The following PTPRM variants were observed in gnomAD, a reference collection of about 807,000 sequenced individuals.
PTPRM encodes the protein protein tyrosine phosphatase receptor type M.
A neutral mutation model predicts 186.7 loss-of-function variants in PTPRM; 47 were observed. The observed-to-expected ratio is 0.25, with a 90% confidence interval of 0.20 to 0.32. The LOEUF (loss-of-function observed/expected upper bound fraction) is 0.32, where lower values mean the gene tolerates loss of function less well. Among genes scored for constraint, PTPRM ranks in the 10% least tolerant of loss-of-function variants. The pLI is 1.00. For synonymous variants in PTPRM, 668 were observed against 674.9 expected (o/e 0.99, Z 0.16); for missense variants, 1,494 against 1,865.0 (o/e 0.80, Z 3.66).
chr18:7,684,294 TA>T (rs67213632), intron 1 of PTPRM, among the ~76,000 whole-genome samples: 51,144 of 150,530 alleles, frequency 0.34, 12,896 homozygotes, highest in African/African-American at 0.69. Flanking sequence ...AGACCTCATT[TA>T]AAAAAAAATA....
chr18:7,994,325 G>A (rs1379188103), intron 7 of PTPRM, among the ~76,000 whole-genome samples: 1 of 150,604 alleles, frequency 6.6e-6, no homozygotes, highest in African/African-American at 2.4e-5. Flanking sequence ...GATATATAAA[G>A]CAAATATCAT....
intron 29 of PTPRM, among the ~76,000 whole-genome samples, chr18:8,384,335 G>A (rs1369683665): frequency 1.3e-5 from 2 of 152,104 alleles, no homozygotes. Context: ...GCACACACCT[G>A]TGGCCCCAGC....
chr18:8,188,292 G>A (rs1223365332), intron 14 of PTPRM, among the ~76,000 whole-genome samples: 1 of 152,240 alleles, frequency 6.6e-6, no homozygotes, highest in Admixed American at 6.5e-5. Flanking sequence ...GACAAAGGAT[G>A]TACACAGCTG....
rs369983856 is a variant in PTPRM at position 7,862,345 on chromosome 18, C to A, written c.197-25761C>A. ...ATATCTTCTCATTTTTTAGTGATGA[C>A]AACGTCACAAATACTGCTAATAAAA... On this transcript the variant is annotated intron_variant, in intron 2 of 32. Coordinates refer to ENST00000580170, the MANE Select transcript of PTPRM (RefSeq NM_001105244.2). 5.0e-3 allele frequency among the ~76,000 whole-genome samples: 758 copies of A among 152,164 alleles called. 6 individuals carry two copies. Among genetic ancestry groups the A allele is most frequent in the African/African-American group, 0.017 (717 of 41,532 alleles).
At chr18:8,310,842 CAAA>C (rs1321923970) in intron 20 of PTPRM, among the ~76,000 whole-genome samples, 1 of 152,080 alleles carries the variant, frequency 6.6e-6, no homozygotes, top group Non-Finnish European at 1.5e-5. Context: ...AGCAGATACT[CAAA>C]AAGTCACTGA....
chr18:8,064,402 G>A (rs527303786), intron 7 of PTPRM, among the ~76,000 whole-genome samples: 1 of 150,902 alleles, frequency 6.6e-6, no homozygotes, highest in Admixed American at 6.6e-5. Flanking sequence ...TCTCTTAAAC[G>A]AGTACTGTTT....
chr18:8,087,893 C>T (rs1254044088), intron 10 of PTPRM, among the ~76,000 whole-genome samples: 1 of 152,090 alleles, frequency 6.6e-6, no homozygotes, highest in Non-Finnish European at 1.5e-5. Context: ...CACATCACAG[C>T]TCCGTGTAAT....
chr18:8,172,684 AATGTAAACAC>A (rs1160531161), intron 14 of PTPRM, among the ~76,000 whole-genome samples: 75 of 144,744 alleles, frequency 5.2e-4, no homozygotes, highest in Non-Finnish European at 7.4e-4. Context: ...ATAGAATGTT[AATGTAAACAC>A]AAGAAAAAAA....
At chr18:8,101,636 AT>A (rs1191451968) in intron 11 of PTPRM, among the ~76,000 whole-genome samples, 1 of 152,232 alleles carries the variant, frequency 6.6e-6, no homozygotes, top group African/African-American at 2.4e-5. Context: ...AGATGCCAGC[AT>A]TTCCCCATTA....
chr18:8,145,429 C>T (rs1437030451), intron 14 of PTPRM, among the ~76,000 whole-genome samples: 1 of 152,116 alleles, frequency 6.6e-6, no homozygotes, highest in African/African-American at 2.4e-5. Flanking sequence ...CCCATCATCC[C>T]ATCACCTATA....
At chr18:8,341,682 GC>G (rs56361813) in intron 22 of PTPRM, among the ~76,000 whole-genome samples, 23,439 of 149,506 alleles carry the variant, frequency 0.16, 2,748 homozygotes, top group African/African-American at 0.33. Context: ...ACCTAGTGAA[GC>G]CCCCCCCCCT....
In PTPRM at chr18:7,642,120, C is replaced by T. The variant is rs139328183; in HGVS notation, c.73+74229C>T. Among the ~76,000 whole-genome samples the T allele has an allele frequency of 1.0e-3, 153 of 152,226 alleles. 4 individuals carry two copies. The East Asian group carries it at 0.023, about 23-fold the overall frequency. On this transcript the variant is annotated intron_variant, in intron 1 of 32. Transcript: ENST00000580170. Reference sequence around the variant, plus strand: ...GTAACAATACTAGGTTATTGACTCACGGTTCTGTGAAGGAAAGAAAATTGA... The same window carrying T: ...GTAACAATACTAGGTTATTGACTCATGGTTCTGTGAAGGAAAGAAAATTGA...
At chr18:8,057,081 ATAG>A (rs1408636003) in intron 7 of PTPRM, among the ~76,000 whole-genome samples, 1 of 151,222 alleles carries the variant, frequency 6.6e-6, no homozygotes, top group Non-Finnish European at 1.5e-5. Flanking sequence ...GTTGCAAAAA[ATAG>A]TAGCATTTTT....
intron 21 of PTPRM, among the ~76,000 whole-genome samples, chr18:8,316,633 A>G (rs1014178014): frequency 5.3e-5 from 8 of 152,198 alleles, no homozygotes; most frequent in Non-Finnish European, 1.2e-4. Context: ...ACCAAAACCA[A>G]AAAAACCTCT....
intron 1 of PTPRM, among the ~76,000 whole-genome samples, chr18:7,720,688 T>G (rs1458237558): frequency 6.6e-6 from 1 of 152,154 alleles, no homozygotes; most frequent in Non-Finnish European, 1.5e-5. Context: ...TGCCTCTCAT[T>G]TTGACTACTC....
intron 2 of PTPRM, among the ~76,000 whole-genome samples, chr18:7,855,728 G>A (rs2047064352): frequency 1.3e-5 from 2 of 152,128 alleles, no homozygotes; most frequent in African/African-American, 4.8e-5. Flanking sequence ...TTATTATTTG[G>A]CAATGGAAAA....
intron 14 of PTPRM, among the ~76,000 whole-genome samples, chr18:8,164,907 C>CTG (rs3046324): frequency 0.94 from 143,100 of 152,118 alleles, 67,905 homozygotes; most frequent in East Asian, 1. Flanking sequence ...TGGCACATGC[C>CTG]TAATCCCAGC....
At chr18:7,649,928 G>A (rs966763872) in intron 1 of PTPRM, among the ~76,000 whole-genome samples, 1 of 151,332 alleles carries the variant, frequency 6.6e-6, no homozygotes, top group African/African-American at 2.4e-5. Flanking sequence ...TTTAAATTAA[G>A]GTATGTACAT....
At chr18:8,344,102 A>G (rs371895832) in intron 23 of PTPRM, among the ~76,000 whole-genome samples, 5 of 152,198 alleles carry the variant, frequency 3.3e-5, no homozygotes, top group African/African-American at 1.2e-4. Context: ...GTAGTATGCT[A>G]TAGGATTATT....
Sources: gnomAD v4.1 joint callset for allele counts (sites outside exome capture counted in the v4.1 genomes callset) on GRCh38, gnomAD v4.1.1 for gene constraint, MANE v1.5 for transcripts, NCBI Gene and HGNC (gene_info 2026-07-23, HGNC 2026-07-21) for gene names.